Variants in TANC2 observed in about 807,000 individuals in gnomAD.
TANC2 encodes the protein tetratricopeptide repeat, ankyrin repeat and coiled-coil containing 2, also known as protein TANC2.
Under a neutral mutation model 210.5 loss-of-function variants are expected in TANC2, and 26 were observed. The ratio of observed to expected loss-of-function variants is 0.12; its 90% CI spans 0.09 to 0.17. The LOEUF (loss-of-function observed/expected upper bound fraction) is 0.17, where lower values mean the gene tolerates loss of function less well. TANC2 is among the 10% of genes least tolerant of loss of function. The pLI, the probability that TANC2 is intolerant of heterozygous loss-of-function variation, is 1.00. For missense variants in TANC2, 2,129 were observed against 2,608.9 expected (o/e 0.82, Z 4.01); for synonymous variants, 931 against 967.1 (o/e 0.96, Z 0.69).
At chr17:63,046,208 G>T (rs570528192) in intron 2 of TANC2, among the ~76,000 whole-genome samples, 4 of 151,030 alleles carry the variant, frequency 2.6e-5, no homozygotes, top group Non-Finnish European at 5.9e-5. Context: ...TGCCCAGGCT[G>T]GAGTGCAGTG....
At chr17:63,118,867 C>T (rs1241549885) in intron 4 of TANC2, among the ~76,000 whole-genome samples, 1 of 150,540 alleles carries the variant, frequency 6.6e-6, no homozygotes, top group Non-Finnish European at 1.5e-5. Flanking sequence ...GCTGCAAGCT[C>T]TGCCTCCCGG....
chr17:63,345,875 A>G (rs568901576), intron 12 of TANC2, among the ~76,000 whole-genome samples: 4 of 152,312 alleles, frequency 2.6e-5, no homozygotes, highest in Admixed American at 2.0e-4. Context: ...ATCAGCTCTC[A>G]TGAGCCAGCT....
At position 63,351,423 on chromosome 17, in the gene TANC2, G is replaced by GT; in HGVS notation, c.1974+10dup. The GT allele has an allele frequency of 6.4e-7, 1 of 1,574,016 alleles. No homozygotes were observed. The highest frequency in any genetic ancestry group is 8.6e-7 in the Non-Finnish European group (1 of 1,165,678). On this transcript the variant is annotated splice_region_variant and intron_variant, in intron 13 of 27. Coordinates refer to ENST00000689528, the Ensembl canonical transcript of TANC2. ...AGTTAGGACCAGTTTACAGGTATGT[G>GT]TTTGTTTGCTTTTAAACCATAAATG...
chr17:63,039,556 C>T (rs1290878992), intron 2 of TANC2, among the ~76,000 whole-genome samples: 1 of 152,156 alleles, frequency 6.6e-6, no homozygotes, highest in Non-Finnish European at 1.5e-5. Flanking sequence ...CAGTACACTC[C>T]TTCACTGCTG....
At chr17:63,132,059 C>A (rs1348179739) in intron 4 of TANC2, among the ~76,000 whole-genome samples, 2 of 152,184 alleles carry the variant, frequency 1.3e-5, no homozygotes, top group African/African-American at 4.8e-5. Flanking sequence ...TCCTCCTTAA[C>A]ATTTGTTGTT....
chr17:63,043,635 C>T (rs2035273277), intron 2 of TANC2, among the ~76,000 whole-genome samples: 1 of 152,116 alleles, frequency 6.6e-6, no homozygotes, highest in South Asian at 2.1e-4. Flanking sequence ...TAGCATTCAA[C>T]AGTATCTTTA....
rs534091243 is a variant in TANC2 at position 63,011,258 on chromosome 17, A to G, written c.67+1632A>G. Among the ~76,000 whole-genome samples the G allele has an allele frequency of 7.9e-5, 12 of 152,046 alleles. No homozygotes were observed. In the South Asian group the frequency reaches 2.5e-3, roughly 32 times the overall value. On this transcript the variant is annotated intron_variant, in intron 2 of 27. Coordinates refer to ENST00000689528, the Ensembl canonical transcript of TANC2. The stretch of plus-strand genomic sequence containing the variant: ...GTGTGTGTGTTTTTTTTACTACGTC[A>G]TGCTTCTTCTTATTGAATTCTAGCT...
In TANC2 at chr17:63,418,555, G is replaced by A. The variant is rs2048934935; in HGVS notation, c.4268+148G>A. 2.9e-6 allele frequency: 2 copies of A among 691,022 alleles called. No homozygotes were observed. The highest frequency in any genetic ancestry group is 4.8e-6 in the Non-Finnish European group (2 of 416,334). The allele number at this position is 691,022 out of a possible 1,614,324, so 42.8% of individuals were successfully genotyped here. ...CCAAGCTTTGGGGATGGCTCCCATA[G>A]CACAGCCCTCAGCTCAAGATCAGCA... On this transcript the variant is annotated intron_variant, in intron 27 of 27. Coordinates refer to ENST00000689528, the Ensembl canonical transcript of TANC2. The surrounding 1 kb of genome is among the most constrained non-coding windows in gnomAD (Gnocchi z 4.6).
At chr17:63,289,494 G>T (rs766005367) in intron 9 of TANC2, among the ~76,000 whole-genome samples, 1 of 151,822 alleles carries the variant, frequency 6.6e-6, no homozygotes, top group Non-Finnish European at 1.5e-5. Flanking sequence ...TCCCATTAAA[G>T]GCATTCTTCA....
intron 5 of TANC2, among the ~76,000 whole-genome samples, chr17:63,163,204 T>A (rs2040087071): frequency 6.6e-6 from 1 of 151,972 alleles, no homozygotes; most frequent in South Asian, 2.1e-4. Context: ...GAGCTAGAAA[T>A]ATCAAGTGGT....
chr17:63,020,148 G>T (rs1568322917), intron 2 of TANC2, among the ~76,000 whole-genome samples: 1 of 152,068 alleles, frequency 6.6e-6, no homozygotes. Flanking sequence ...GGCTCGTCTT[G>T]AACTCCTCAC....
chr17:63,343,012 A>G (rs1450083979), intron 12 of TANC2, among the ~76,000 whole-genome samples: 2 of 152,230 alleles, frequency 1.3e-5, no homozygotes, highest in Non-Finnish European at 2.9e-5. Flanking sequence ...ACAATTTTCC[A>G]GCTGGAAATA....
intron 9 of TANC2, among the ~76,000 whole-genome samples, chr17:63,274,319 G>A (rs1052907751): frequency 1.3e-5 from 2 of 151,842 alleles, no homozygotes; most frequent in African/African-American, 2.4e-5. Context: ...TGAGTCAACT[G>A]TCCAAAGCAA....
intron 2 of TANC2, among the ~76,000 whole-genome samples, chr17:63,051,650 C>G (rs2035585975): frequency 1.3e-5 from 2 of 152,094 alleles, no homozygotes; most frequent in African/African-American, 4.8e-5. Flanking sequence ...AAATGATCTT[C>G]CAACTATGAT....
intron 2 of TANC2, among the ~76,000 whole-genome samples, chr17:63,065,304 G>T (rs763365541): frequency 6.6e-6 from 1 of 152,124 alleles, no homozygotes; most frequent in Non-Finnish European, 1.5e-5. Context: ...CCATTCATTG[G>T]TTGATGAACA....
chr17:63,412,610 T>C lies in TANC2; in HGVS notation c.3899-70T>C, dbSNP rs1305347264. 7.5e-7 allele frequency: 1 copy of C among 1,341,674 alleles called. No homozygotes were observed. Among genetic ancestry groups the C allele is most frequent in the African/African-American group, 1.5e-5 (1 of 67,834 alleles). The allele number at this position is 1,341,674 out of a possible 1,614,324, so 83.1% of individuals were successfully genotyped here. A position where few individuals can be genotyped will look rare whatever the true frequency, so the allele number is the denominator to read the frequency against. ...CTCTCACTGCTGCTTTTTCCTTCTT[T>C]TTTTTTTTTTCACCTTCATCCATTT... On this transcript the variant is annotated intron_variant, in intron 23 of 27. Transcript: ENST00000689528. This position sits in a 1 kb window ranked among gnomAD's most constrained non-coding sequence, Gnocchi z 4.2.
chr17:63,045,866 C>A (rs998521225), intron 2 of TANC2, among the ~76,000 whole-genome samples: 1 of 151,984 alleles, frequency 6.6e-6, no homozygotes, highest in African/African-American at 2.4e-5. Flanking sequence ...GTCTTGAACT[C>A]CTGGGCTCAA....
intron 9 of TANC2, among the ~76,000 whole-genome samples, chr17:63,291,096 C>G (rs1271888771): frequency 6.6e-6 from 1 of 152,086 alleles, no homozygotes; most frequent in African/African-American, 2.4e-5. Context: ...ATAGGAAATA[C>G]TATTCACCGA....
At chr17:62,993,891 G>A (rs915777785) in intron 1 of TANC2, among the ~76,000 whole-genome samples, 3 of 152,104 alleles carry the variant, frequency 2.0e-5, no homozygotes, top group African/African-American at 4.8e-5. Context: ...CTCATGCCAC[G>A]CACTGCAGCC....
Sources: allele counts gnomAD v4.1 joint callset (sites outside exome capture counted in the v4.1 genomes callset), GRCh38; gene constraint gnomAD v4.1.1; non-coding constraint Gnocchi (gnomAD v3.1); transcripts MANE v1.5; gene names NCBI Gene and HGNC (gene_info 2026-07-23, HGNC 2026-07-21).